The following DCDC2 variants were observed in gnomAD, a reference collection of about 807,000 sequenced individuals.
DCDC2 encodes doublecortin domain containing 2.
DCDC2 carries 40 observed loss-of-function variants against 50.2 expected under a neutral mutation model. That is an observed-to-expected ratio of 0.80 (90% CI 0.62 to 1.04). DCDC2 has a LOEUF of 1.04. Among genes scored for constraint, DCDC2 ranks in the 50% least tolerant of loss-of-function variants. DCDC2 has a pLI of 0.00. For synonymous variants in DCDC2, 234 were observed against 210.6 expected (o/e 1.11, Z -0.96); for missense variants, 570 against 581.9 (o/e 0.98, Z 0.21).
rs568965511 is a variant in DCDC2 at position 24,332,433 on chromosome 6, G to A, written c.348+21136C>T. Reference sequence around the variant, plus strand: ...AAAGTCAGGTGAAGAGGAGGAACCAGGGCCCAATGACAGCCAACATTAGTC... The same window carrying A: ...AAAGTCAGGTGAAGAGGAGGAACCAAGGCCCAATGACAGCCAACATTAGTC... On this transcript the variant is annotated intron_variant, in intron 2 of 9. Coordinates refer to ENST00000378454, the MANE Select transcript of DCDC2 (RefSeq NM_016356.5). 3.3e-5 allele frequency among the ~76,000 whole-genome samples: 5 copies of A among 152,276 alleles called. No individual in the cohort carries two copies. In the South Asian group the frequency reaches 6.2e-4, roughly 19 times the overall value.
the DCDC2 span, among the ~76,000 whole-genome samples, chr6:24,370,985 G>T: frequency 6.6e-6 from 1 of 151,906 alleles, no homozygotes. Context: ...ACCAATTAAG[G>T]ACTATTACTG....
At chr6:24,355,563 T>C (rs1760452185) in intron 1 of DCDC2, among the ~76,000 whole-genome samples, 1 of 152,194 alleles carries the variant, frequency 6.6e-6, no homozygotes, top group South Asian at 2.1e-4. Flanking sequence ...ACCTTTTCTG[T>C]ATTAAGAAAC....
At chr6:24,330,307 T>G (rs1365669636) in intron 2 of DCDC2, among the ~76,000 whole-genome samples, 3 of 152,146 alleles carry the variant, frequency 2.0e-5, no homozygotes, top group African/African-American at 7.2e-5. Flanking sequence ...CCGGGCTGAA[T>G]GTAACTTCTA....
intron 8 of DCDC2, among the ~76,000 whole-genome samples, chr6:24,191,126 TG>T (rs548849538): frequency 4.1e-4 from 63 of 152,160 alleles, no homozygotes; most frequent in Non-Finnish European, 7.9e-4. Flanking sequence ...ATTTTATAAT[TG>T]TTTAGTAAAT....
intron 5 of DCDC2, among the ~76,000 whole-genome samples, chr6:24,289,971 C>CTTTTTTTTTT (rs3077132): frequency 4.9e-5 from 3 of 61,046 alleles, no homozygotes; most frequent in African/African-American, 1.0e-4. Context: ...CAGAGCTCTT[C>CTTTTTTTTTT]TTTTTTTTTT....
chr6:24,356,814 T>A (rs1760477045), intron 1 of DCDC2: 1 of 152,210 alleles, frequency 6.6e-6, no homozygotes, highest in Non-Finnish European at 1.5e-5. Flanking sequence ...GCTCAAGAGC[T>A]GGGAATAAGG....
intron 2 of DCDC2, among the ~76,000 whole-genome samples, chr6:24,319,452 C>A (rs1200900764): frequency 6.6e-6 from 1 of 151,720 alleles, no homozygotes; most frequent in African/African-American, 2.4e-5. Flanking sequence ...TAATTAAGTC[C>A]CATTTGTCTA....
chr6:24,190,776 A>G (rs760423412), intron 8 of DCDC2, among the ~76,000 whole-genome samples: 2 of 152,228 alleles, frequency 1.3e-5, no homozygotes, highest in African/African-American at 4.8e-5. Flanking sequence ...AATGTTTGTT[A>G]ATGCCTAATG....
intron 7 of DCDC2, among the ~76,000 whole-genome samples, chr6:24,255,780 T>C (rs1268113242): frequency 6.6e-6 from 1 of 152,170 alleles, no homozygotes; most frequent in Admixed American, 6.5e-5. Flanking sequence ...GGTGAGGCTG[T>C]ACAGCAACTT....
intron 2 of DCDC2, among the ~76,000 whole-genome samples, chr6:24,313,224 G>T (rs1213904545): frequency 6.6e-6 from 1 of 152,064 alleles, no homozygotes; most frequent in Non-Finnish European, 1.5e-5. Context: ...AATGTTACTT[G>T]AATACTTGTT....
At chr6:24,295,872 T>C (rs1759222954) in intron 4 of DCDC2, among the ~76,000 whole-genome samples, 1 of 152,080 alleles carries the variant, frequency 6.6e-6, no homozygotes, top group South Asian at 2.1e-4. Flanking sequence ...TAGGAAGAAT[T>C]AGTATCATGA....
At chr6:24,226,959 T>C (rs1386447029) in intron 7 of DCDC2, among the ~76,000 whole-genome samples, 1 of 152,150 alleles carries the variant, frequency 6.6e-6, no homozygotes, top group Non-Finnish European at 1.5e-5. Context: ...GATGTCAGAG[T>C]AGTGTTCTGG....
At chr6:24,300,750 T>C (rs1255201811) in intron 4 of DCDC2, among the ~76,000 whole-genome samples, 1 of 152,238 alleles carries the variant, frequency 6.6e-6, no homozygotes, top group East Asian at 1.9e-4. Flanking sequence ...AGTATATACA[T>C]ATACATACTT....
intron 2 of DCDC2, among the ~76,000 whole-genome samples, chr6:24,313,357 C>T (rs995622923): frequency 7.2e-5 from 11 of 152,092 alleles, no homozygotes; most frequent in African/African-American, 2.2e-4. Flanking sequence ...TCTACAGGAA[C>T]TGCCACTAAG....
chr6:24,310,464 T>C (rs997763045), intron 2 of DCDC2, among the ~76,000 whole-genome samples: 2 of 152,222 alleles, frequency 1.3e-5, no homozygotes, highest in Non-Finnish European at 2.9e-5. Context: ...CTCAGTTTCC[T>C]ATACCAACAA....
At chr6:24,353,666 C>A in intron 1 of DCDC2, 43 bp from the exon 2 acceptor site, 2 of 1,191,440 alleles carry the variant, frequency 1.7e-6, no homozygotes, top group Non-Finnish European at 2.4e-6. Context: ...CTTTTATAGA[C>A]TTTAAGTCAG....
intron 7 of DCDC2, among the ~76,000 whole-genome samples, chr6:24,268,284 C>T (rs1186711565): frequency 2.0e-5 from 3 of 152,052 alleles, no homozygotes; most frequent in Non-Finnish European, 4.4e-5. Context: ...ATCAGAAGTT[C>T]GAGACCAGCC....
chr6:24,380,943 TGTG>T, the DCDC2 span, among the ~76,000 whole-genome samples: 1 of 151,768 alleles, frequency 6.6e-6, no homozygotes, highest in East Asian at 1.9e-4. Flanking sequence ...ACTAACCAGG[TGTG>T]GTGGTGTGGG....
At chr6:24,335,554 A>T (rs574189947) in intron 2 of DCDC2, among the ~76,000 whole-genome samples, 73 of 152,274 alleles carry the variant, frequency 4.8e-4, no homozygotes, top group African/African-American at 1.7e-3. Flanking sequence ...AAAAGGCCAG[A>T]TGTTCACTTT....
Sources: gnomAD v4.1 joint callset for allele counts (sites outside exome capture counted in the v4.1 genomes callset) on GRCh38, gnomAD v4.1.1 for gene constraint, MANE v1.5 for transcripts, NCBI Gene and HGNC (gene_info 2026-07-23, HGNC 2026-07-21) for gene names.